The following PRKD3 variants were observed in gnomAD, a reference collection of about 807,000 sequenced individuals.
The protein encoded by PRKD3 is serine/threonine-protein kinase D3.
PRKD3 carries 47 observed loss-of-function variants against 99.2 expected under a neutral mutation model. The ratio of observed to expected loss-of-function variants is 0.47; its 90% confidence interval spans 0.38 to 0.60. PRKD3 has a LOEUF of 0.60. PRKD3 is among the 20% of genes least tolerant of loss of function. PRKD3 has a pLI of 0.00. For synonymous variants in PRKD3, 392 were observed against 355.4 expected, an observed-to-expected ratio of 1.10 and a Z score of -1.16; for missense variants, 1,019 against 1,088.4, an observed-to-expected ratio of 0.94 and a Z score of 0.90.
At chr2:37,271,651 G>A (rs1463377417) in intron 12 of PRKD3, among the ~76,000 whole-genome samples, 3 of 152,204 alleles carry the variant, frequency 2.0e-5, no homozygotes, top group Non-Finnish European at 4.4e-5. Context: ...GATTCTCAGA[G>A]GAGGGCAAAC....
At chr2:37,319,888 G>A (rs1355100603) in intron 1 of PRKD3, among the ~76,000 whole-genome samples, 1 of 152,182 alleles carries the variant, frequency 6.6e-6, no homozygotes, top group Admixed American at 6.5e-5. Flanking sequence ...ATTTTATTCA[G>A]TATCACTGCA....
At chr2:37,269,541 C>G (rs769222235) in intron 13 of PRKD3, 74 bp downstream of exon 13, 1 of 1,329,662 alleles carries the variant, frequency 7.5e-7, no homozygotes, top group Non-Finnish European at 1.1e-6. Context: ...GATGACAAAA[C>G]AGCTGGCAGA....
intron 18 of PRKD3, 33 bp from the exon 19 acceptor site, chr2:37,253,383 A>C (rs1483102749): frequency 6.4e-7 from 1 of 1,555,208 alleles, no homozygotes; most frequent in East Asian, 2.3e-5. Context: ...TGATGAAACA[A>C]AAGAAACAAA....
At chr2:37,320,855 C>A (rs1456999072) in intron 1 of PRKD3, among the ~76,000 whole-genome samples, 18 of 152,098 alleles carry the variant, frequency 1.2e-4, no homozygotes, top group Admixed American at 1.2e-3. Context: ...TACAACTATT[C>A]ATAATAAACA....
At chr2:37,306,997 G>C (rs72863190) in intron 2 of PRKD3, among the ~76,000 whole-genome samples, 3,727 of 152,256 alleles carry the variant, frequency 0.024, 170 homozygotes, top group African/African-American at 0.086. Flanking sequence ...TACTCCATCA[G>C]TTTAACCCAG....
chr2:37,267,180 G>A (rs1366438816), intron 14 of PRKD3, among the ~76,000 whole-genome samples: 3 of 152,056 alleles, frequency 2.0e-5, no homozygotes, highest in Non-Finnish European at 4.4e-5. Context: ...ACAAAATGTG[G>A]CAAAGTATCC....
At chr2:37,260,455 A>G (rs1668335374) in intron 14 of PRKD3, 71 bp from the exon 15 acceptor site, 3 of 1,367,376 alleles carry the variant, frequency 2.2e-6, no homozygotes, top group Non-Finnish European at 1.0e-6. Context: ...TAGATGTGCT[A>G]TGATTGTCTG....
At chr2:37,301,329 C>T (rs1670916901) in intron 2 of PRKD3, among the ~76,000 whole-genome samples, 1 of 151,704 alleles carries the variant, frequency 6.6e-6, no homozygotes, top group Admixed American at 6.6e-5. Context: ...TGTTCTAAAT[C>T]AGACTCCAGG....
chr2:37,293,923 T>C (rs1572678900), intron 2 of PRKD3, among the ~76,000 whole-genome samples: 1 of 152,208 alleles, frequency 6.6e-6, no homozygotes, highest in East Asian at 1.9e-4. Context: ...AGTTAACATG[T>C]TTTCCTGTTT....
At chr2:37,281,663 T>A (rs1558550652) in intron 7 of PRKD3, among the ~76,000 whole-genome samples, 1 of 152,214 alleles carries the variant, frequency 6.6e-6, no homozygotes, top group Admixed American at 6.5e-5. Context: ...CTGTTGTTTA[T>A]ATGCTACCTA....
intron 2 of PRKD3, among the ~76,000 whole-genome samples, chr2:37,298,411 A>G (rs59916529): frequency 0.073 from 11,009 of 150,246 alleles, 1,352 homozygotes; most frequent in African/African-American, 0.25. Context: ...TAACAAAGTT[A>G]TTTTTTTTTT....
At chr2:37,319,631 A>G (rs1671791586) in intron 1 of PRKD3, among the ~76,000 whole-genome samples, 1 of 152,164 alleles carries the variant, frequency 6.6e-6, no homozygotes, top group Non-Finnish European at 1.5e-5. Flanking sequence ...TAAAAGAGCT[A>G]ATGCAAAGCT....
At chr2:37,276,312 TACTC>T (rs945026526) in intron 9 of PRKD3, among the ~76,000 whole-genome samples, 6 of 152,272 alleles carry the variant, frequency 3.9e-5, no homozygotes, top group East Asian at 1.9e-4. Flanking sequence ...AGTCCCTAGT[TACTC>T]ACACCCTCAT....
intron 2 of PRKD3, among the ~76,000 whole-genome samples, chr2:37,299,624 C>T (rs1466801924): frequency 6.6e-6 from 1 of 151,304 alleles, no homozygotes. Context: ...AAAATATTTG[C>T]AAACTATTCA....
chr2:37,275,271 G>C (rs942551142), intron 10 of PRKD3, among the ~76,000 whole-genome samples: 3 of 152,032 alleles, frequency 2.0e-5, no homozygotes, highest in Non-Finnish European at 4.4e-5. Context: ...CTCTCTTACT[G>C]ACCTAACTGC....
intron 2 of PRKD3, among the ~76,000 whole-genome samples, chr2:37,299,837 A>G (rs1427428100): frequency 3.9e-5 from 6 of 152,192 alleles, no homozygotes; most frequent in African/African-American, 7.2e-5. Flanking sequence ...CCACAATGAG[A>G]TATCATCTCA....
chr2:37,273,506 TTCTG>T (rs1473223904), intron 11 of PRKD3, among the ~76,000 whole-genome samples: 1 of 152,226 alleles, frequency 6.6e-6, no homozygotes, highest in African/African-American at 2.4e-5. Context: ...TTGTTTACTC[TTCTG>T]TCTGTATCTG....
chr2:37,309,451 A>C (rs1011388177), intron 2 of PRKD3, among the ~76,000 whole-genome samples: 1 of 152,240 alleles, frequency 6.6e-6, no homozygotes, highest in African/African-American at 2.4e-5. Flanking sequence ...AAGCATGCTT[A>C]CTTACTCACT....
intron 2 of PRKD3, among the ~76,000 whole-genome samples, chr2:37,306,515 TAAAC>T (rs1190297951): frequency 7.9e-5 from 12 of 152,124 alleles, no homozygotes; most frequent in African/African-American, 2.4e-4. Flanking sequence ...TGTGCACTGT[TAAAC>T]AAAAATGGGT....
Sources: gnomAD v4.1 joint callset for allele counts (sites outside exome capture counted in the v4.1 genomes callset) on GRCh38, gnomAD v4.1.1 for gene constraint, MANE v1.5 for transcripts, NCBI Gene and HGNC (gene_info 2026-07-23, HGNC 2026-07-21) for gene names.